The following CELF2 variants were observed in gnomAD, a reference collection of about 807,000 sequenced individuals.
CELF2 encodes the protein CUGBP Elav-like family member 2.
In CELF2, 8 loss-of-function variants were observed where a neutral mutation model predicts 62.6. The observed-to-expected ratio is 0.13, with a 90% CI of 0.07 to 0.23. The LOEUF (loss-of-function observed/expected upper bound fraction) is 0.23. Ranked by LOEUF, CELF2 falls within the 10% of genes least tolerant of loss-of-function variation. The probability of loss-of-function intolerance (pLI) is 1.00; values close to 1 mark genes in which losing one functional copy is unlikely to be tolerated. For missense variants in CELF2, 333 were observed against 671.0 expected, an observed-to-expected ratio of 0.50 and a Z score of 5.56; for synonymous variants, 258 against 250.0, an observed-to-expected ratio of 1.03 and a Z score of -0.30.
the CELF2 span, among the ~76,000 whole-genome samples, chr10:10,775,140 G>T: frequency 6.6e-6 from 1 of 152,138 alleles, no homozygotes; most frequent in African/African-American, 2.4e-5. Context: ...GCCTCCCAAA[G>T]TACCGGGATT....
chr10:10,818,869 T>G (rs766464021), intron 1 of CELF2, among the ~76,000 whole-genome samples: 2 of 152,178 alleles, frequency 1.3e-5, no homozygotes, highest in Non-Finnish European at 2.9e-5. Flanking sequence ...TGAGCCACCA[T>G]GCCCAGACAG....
At chr10:11,295,146 C>T (rs940200230) in intron 9 of CELF2, among the ~76,000 whole-genome samples, 4 of 152,154 alleles carry the variant, frequency 2.6e-5, no homozygotes, top group Admixed American at 2.6e-4. Context: ...AATGGAGTCA[C>T]ACATTACATA....
At chr10:10,932,635 AG>A in intron 2 of CELF2, among the ~76,000 whole-genome samples, 1 of 152,144 alleles carries the variant, frequency 6.6e-6, no homozygotes, top group South Asian at 2.1e-4. Flanking sequence ...GTTCTTTCTT[AG>A]CAAAATGTCT....
rs899679420 is a variant in CELF2, at chr10:11,039,749, A to G, written c.74+21586A>G. 1.3e-5 allele frequency among the ~76,000 whole-genome samples: 2 copies of G among 152,202 alleles called. No individual in the cohort carries two copies. Among genetic ancestry groups the G allele is most frequent in the Admixed American group, 6.5e-5 (1 of 15,280 alleles). On this transcript the variant is annotated intron_variant, in intron 1 of 12. Transcript: ENST00000633077. This position sits in a 1 kb window ranked among gnomAD's most constrained non-coding sequence, Gnocchi z 4.1. Reference sequence around the variant, plus strand: ...AGGCTAGTTTCATTTAGGAAAAAAGATAATTATATATCTATTACGTCTTAC... The same window carrying G: ...AGGCTAGTTTCATTTAGGAAAAAAGGTAATTATATATCTATTACGTCTTAC...
chr10:10,719,263 T>C, the CELF2 span, among the ~76,000 whole-genome samples: 1 of 151,998 alleles, frequency 6.6e-6, no homozygotes, highest in African/African-American at 2.4e-5. Context: ...CGGCCTATTA[T>C]TATACTTTTT....
chr10:11,140,929 G>T (rs1228998846), intron 1 of CELF2, among the ~76,000 whole-genome samples: 2 of 152,188 alleles, frequency 1.3e-5, no homozygotes, highest in African/African-American at 4.8e-5. Context: ...ACATGGGAAG[G>T]TCGCTTGCGC....
chr10:10,975,818 G>A (rs1453275522), intron 2 of CELF2, among the ~76,000 whole-genome samples: 1 of 152,252 alleles, frequency 6.6e-6, no homozygotes, highest in Non-Finnish European at 1.5e-5. Flanking sequence ...TGGTGTGAGA[G>A]AGCAATCTTT....
At chr10:11,081,855 T>C (rs955558491) in intron 1 of CELF2, among the ~76,000 whole-genome samples, 2 of 152,214 alleles carry the variant, frequency 1.3e-5, no homozygotes, top group African/African-American at 4.8e-5. Flanking sequence ...CACTTAGGGA[T>C]GTATTTTCCC....
At chr10:11,108,348 G>GTTT (rs138546101) in intron 1 of CELF2, among the ~76,000 whole-genome samples, 142 of 149,608 alleles carry the variant, frequency 9.5e-4, no homozygotes, top group South Asian at 2.1e-3. Flanking sequence ...CTGGTTCACT[G>GTTT]TTTTTTTGTT....
chr10:10,717,747 G>A, the CELF2 span, among the ~76,000 whole-genome samples: 6 of 152,116 alleles, frequency 3.9e-5, no homozygotes, highest in African/African-American at 2.4e-5. Context: ...GAAGAGGGCA[G>A]GAATTATGTG....
intron 2 of CELF2, among the ~76,000 whole-genome samples, chr10:10,979,672 C>CA (rs35482385): frequency 0.15 from 9,828 of 67,592 alleles, 699 homozygotes; most frequent in Non-Finnish European, 0.2. Flanking sequence ...CCTTGTCTCT[C>CA]AAAAAAAAAA....
At chr10:10,939,075 C>A (rs969051724) in intron 2 of CELF2, among the ~76,000 whole-genome samples, 1 of 151,918 alleles carries the variant, frequency 6.6e-6, no homozygotes, top group African/African-American at 2.4e-5. Flanking sequence ...CAGTCTCCAC[C>A]TTATCAGTGT....
chr10:11,262,262 G>A (rs1434465350), intron 5 of CELF2, among the ~76,000 whole-genome samples: 1 of 152,128 alleles, frequency 6.6e-6, no homozygotes, highest in African/African-American at 2.4e-5. Context: ...ATACAGGAAT[G>A]GGCTTTTGAC....
chr10:10,640,687 C>T, the CELF2 span, among the ~76,000 whole-genome samples: 4 of 152,142 alleles, frequency 2.6e-5, no homozygotes, highest in African/African-American at 7.2e-5. Flanking sequence ...GATGGATGGA[C>T]ATTAAAATGA....
chr10:11,127,488 G>A (rs1283980711), intron 1 of CELF2, among the ~76,000 whole-genome samples: 1 of 152,120 alleles, frequency 6.6e-6, no homozygotes, highest in Non-Finnish European at 1.5e-5. Context: ...CACAATGGTT[G>A]AACTAATTTA....
At chr10:10,804,266 G>C (rs555452778) in intron 1 of CELF2, among the ~76,000 whole-genome samples, 2 of 152,198 alleles carry the variant, frequency 1.3e-5, no homozygotes, top group Non-Finnish European at 2.9e-5. Flanking sequence ...GTTAGCCTGA[G>C]AGCAGCCATA....
the CELF2 span, among the ~76,000 whole-genome samples, chr10:10,772,086 GAAA>G: frequency 1.3e-5 from 2 of 151,858 alleles, no homozygotes; most frequent in African/African-American, 4.8e-5. Flanking sequence ...CTATTGTACA[GAAA>G]GACCAGTTTG....
chr10:10,736,806 C>G, the CELF2 span, among the ~76,000 whole-genome samples: 10 of 152,050 alleles, frequency 6.6e-5, no homozygotes, highest in South Asian at 1.9e-3. Context: ...ACACCAACAC[C>G]AATCTGTTTA....
intron 1 of CELF2, among the ~76,000 whole-genome samples, chr10:10,827,545 C>A (rs182761653): frequency 1.3e-3 from 194 of 152,260 alleles, no homozygotes; most frequent in South Asian, 3.9e-3. Flanking sequence ...TATACTTCAC[C>A]CTAGCTACCA....
Sources: allele counts gnomAD v4.1 joint callset (sites outside exome capture counted in the v4.1 genomes callset), GRCh38; gene constraint gnomAD v4.1.1; non-coding constraint Gnocchi (gnomAD v3.1); transcripts MANE v1.5; gene names NCBI Gene and HGNC (gene_info 2026-07-23, HGNC 2026-07-21).